The following PPFIA1 variants were observed in gnomAD, a reference collection of about 807,000 sequenced individuals.
The protein encoded by PPFIA1 is liprin-alpha-1.
A neutral mutation model predicts 149.9 loss-of-function variants in PPFIA1; 25 were observed. The ratio of observed to expected loss-of-function variants is 0.17; its 90% CI spans 0.12 to 0.23. The LOEUF is 0.23. PPFIA1 is among the 10% of genes least tolerant of loss of function. PPFIA1 has a pLI of 1.00. For missense variants in PPFIA1, 1,362 were observed against 1,506.5 expected, an observed-to-expected ratio of 0.90 and a Z score of 1.59; for synonymous variants, 549 against 552.8, an observed-to-expected ratio of 0.99 and a Z score of 0.10.
At chr11:70,375,120 A>G in intron 24 of PPFIA1, 27 bp downstream of exon 24, 2 of 1,505,858 alleles carry the variant, frequency 1.3e-6, no homozygotes, top group Middle Eastern at 1.8e-4. Context: ...CTGTGTCTGC[A>G]CTCATTGTTC....
At position 70,362,409 on chromosome 11, in the gene PPFIA1, T is replaced by A. The variant is rs757462723; in HGVS notation, c.2786T>A (p.Leu929Gln). 1 of 1,614,152 alleles carries A rather than the reference T, an allele frequency of 6.2e-7. No individual in the cohort carries two copies. The highest frequency in any genetic ancestry group is 8.5e-7 in the Non-Finnish European group (1 of 1,180,030). The change falls in exon 21 of 28, where the codon CTG becomes CAG. Residue 929 changes from leucine (L) to glutamine (Q), a missense_variant. Leu to Gln is a moderately radical substitution (Grantham distance 113, BLOSUM62 -2). This residue lies in a region of PPFIA1 where 349 missense variants were observed against 373.3 expected (regional missense o/e 0.93). Transcript: ENST00000253925. ...IQREIGISNP[L>Q]HRLKLRLAIQ... Reference sequence around the variant, plus strand: ...CGTGAGATTGGCATCAGCAACCCCCTGCACAGGCTGAAGCTGAGGCTGGCC... The same window carrying A: ...CGTGAGATTGGCATCAGCAACCCCCAGCACAGGCTGAAGCTGAGGCTGGCC...
intron 26 of PPFIA1, among the ~76,000 whole-genome samples, chr11:70,381,648 C>T (rs980499752): frequency 5.3e-5 from 8 of 152,190 alleles, no homozygotes; most frequent in Non-Finnish European, 7.3e-5. Flanking sequence ...TTGGCCTCTG[C>T]GCTCAGTGGG....
intron 2 of PPFIA1, among the ~76,000 whole-genome samples, chr11:70,297,499 T>A (rs2052155944): frequency 6.6e-6 from 1 of 152,210 alleles, no homozygotes; most frequent in Non-Finnish European, 1.5e-5. Context: ...ACTCAGTGTG[T>A]CCACAGTGGG....
intron 16 of PPFIA1, among the ~76,000 whole-genome samples, chr11:70,352,631 G>T (rs1222108193): frequency 1.3e-5 from 2 of 152,030 alleles, no homozygotes; most frequent in Non-Finnish European, 1.5e-5. Flanking sequence ...AGTGGTGTTG[G>T]TGTAGACCAA....
At chr11:70,374,432 G>A (rs917000522) in intron 23 of PPFIA1, 3 of 153,018 alleles carry the variant, frequency 2.0e-5, no homozygotes, top group Non-Finnish European at 4.4e-5. Context: ...ATATTGTTAA[G>A]TTTCTCTCAT....
At chr11:70,370,787 A>C (rs1309925829) in intron 21 of PPFIA1, among the ~76,000 whole-genome samples, 2 of 152,080 alleles carry the variant, frequency 1.3e-5, no homozygotes, top group Non-Finnish European at 2.9e-5. Context: ...GTATTGTTTT[A>C]ACTGTTTCCC....
chr11:70,289,215 C>A (rs965632174), intron 2 of PPFIA1, among the ~76,000 whole-genome samples: 1 of 152,038 alleles, frequency 6.6e-6, no homozygotes, highest in African/African-American at 2.4e-5. Context: ...CAGAACTCCA[C>A]CTGTCTTGGC....
chr11:70,365,750 G>T (rs544678427), intron 21 of PPFIA1: 1 of 359,514 alleles, frequency 2.8e-6, no homozygotes, highest in Admixed American at 3.9e-5. Flanking sequence ...TGCTTGGCAC[G>T]GAGAGAGTCT....
chr11:70,307,514 C>T (rs1489299061), intron 2 of PPFIA1, among the ~76,000 whole-genome samples: 2 of 152,146 alleles, frequency 1.3e-5, no homozygotes, highest in Non-Finnish European at 2.9e-5. Context: ...CTTTAGTTAC[C>T]TACTGTGTGG....
intron 9 of PPFIA1, among the ~76,000 whole-genome samples, chr11:70,332,324 G>A (rs956242903): frequency 3.9e-5 from 6 of 152,072 alleles, no homozygotes; most frequent in East Asian, 1.9e-4. Context: ...ATTTGTCCAC[G>A]GCATGTGTGA....
At chr11:70,358,286 ATCCTGGCTCACTGCAACTTCCGCC>A (rs369038273) in intron 19 of PPFIA1, 4,151 of 152,262 alleles carry the variant, frequency 0.027, 94 homozygotes, top group Non-Finnish European at 0.044. Context: ...CAATGGCACG[ATCCTGGCTCACTGCAACTTCCGCC>A]TCCTGGGTTC....
At chr11:70,369,936 G>GCT (rs2057143772) in intron 21 of PPFIA1, among the ~76,000 whole-genome samples, 1 of 149,568 alleles carries the variant, frequency 6.7e-6, no homozygotes, top group Admixed American at 6.7e-5. Context: ...ATGCCTGGCT[G>GCT]CCCTCTTTTA....
intron 23 of PPFIA1, chr11:70,374,305 C>G (rs533617097): frequency 3.3e-5 from 5 of 152,222 alleles, no homozygotes; most frequent in African/African-American, 1.2e-4. Flanking sequence ...GAGGTTGAGG[C>G]TGCAGTGAGC....
At chr11:70,361,642 G>T (rs562461229) in intron 19 of PPFIA1, among the ~76,000 whole-genome samples, 40 of 150,588 alleles carry the variant, frequency 2.7e-4, no homozygotes, top group African/African-American at 9.8e-4. Context: ...TAGAGATAGG[G>T]TCTCACTCTG....
chr11:70,335,695 G>GTTAGTTAAGATAAGGAAGA lies in PPFIA1; in HGVS notation c.1428+2_1428+3insTAGTTAAGATAAGGAAGAT. 4 of 1,613,784 alleles carry GTTAGTTAAGATAAGGAAGA rather than the reference G, an allele frequency of 2.5e-6. No individual in the cohort carries two copies. On this transcript the variant is annotated splice_donor_variant, in intron 11 of 27. Transcript: ENST00000253925. LOFTEE classifies it high-confidence loss of function. ...GAGAATGGCTGCTTTGGAAGATAAGGTAAGTTAGATAACACGGACATGCTG... is the reference window on the plus strand; with the variant it reads ...GAGAATGGCTGCTTTGGAAGATAAGGTTAGTTAAGATAAGGAAGATAAGTTAGATAACACGGACATGCTG...
At chr11:70,334,684 C>T (rs756915163) in intron 10 of PPFIA1, 1 of 152,260 alleles carries the variant, frequency 6.6e-6, no homozygotes, top group Non-Finnish European at 1.5e-5. Context: ...GAGGTCACTA[C>T]CCATGTTTTC....
intron 2 of PPFIA1, among the ~76,000 whole-genome samples, chr11:70,309,002 A>T (rs2053074319): frequency 6.6e-6 from 1 of 151,936 alleles, no homozygotes; most frequent in Non-Finnish European, 1.5e-5. Context: ...TCTGCCCTTT[A>T]TTTATTTTTA....
intron 2 of PPFIA1, among the ~76,000 whole-genome samples, chr11:70,295,828 G>A (rs1227670131): frequency 6.6e-6 from 1 of 150,916 alleles, no homozygotes; most frequent in Non-Finnish European, 1.5e-5. Context: ...GGGCGGAGAC[G>A]CTCCTCACTT....
Position 70,290,635 on chromosome 11 carries a change from G to A in PPFIA1, c.264+18199G>A, listed in dbSNP as rs535901132. Among the ~76,000 whole-genome samples the A allele has an allele frequency of 5.3e-5, 8 of 152,296 alleles. No homozygotes were observed. In the East Asian group the frequency reaches 1.5e-3, roughly 29 times the overall value. ...CCATGGAGTTCATACTCTTTTCACA[G>A]AGTCTCATTCTTATTCGGAGGAGGA... On this transcript the variant is annotated intron_variant, in intron 2 of 27. Coordinates refer to ENST00000253925, the MANE Select transcript of PPFIA1 (RefSeq NM_003626.5).
Sources: allele counts gnomAD v4.1 joint callset (sites outside exome capture counted in the v4.1 genomes callset), GRCh38; gene constraint gnomAD v4.1.1; regional missense constraint gnomAD v4.1.1; transcripts MANE v1.5; gene names NCBI Gene and HGNC (gene_info 2026-07-23, HGNC 2026-07-21).